Variants in TPGS2 observed in about 807,000 individuals in gnomAD.
The protein encoded by TPGS2 is polyglutamylase subunit 2.
A neutral mutation model predicts 31.1 loss-of-function variants in TPGS2; 26 were observed. The observed-to-expected ratio is 0.84, with a 90% CI of 0.61 to 1.16. TPGS2 has a LOEUF of 1.16. Ranked by LOEUF, TPGS2 falls within the 50% of genes most tolerant of loss-of-function variation. The probability of loss-of-function intolerance (pLI) is 0.00; values close to 1 mark genes in which losing one functional copy is unlikely to be tolerated. For synonymous variants in TPGS2, 130 were observed against 136.6 expected, an observed-to-expected ratio of 0.95 and a Z score of 0.34; for missense variants, 351 against 363.8, an observed-to-expected ratio of 0.96 and a Z score of 0.29.
chr18:36,800,151 C>T, intron 5 of TPGS2, 47 bp downstream of exon 5: 1 of 1,559,918 alleles, frequency 6.4e-7, no homozygotes, highest in East Asian at 2.2e-5. Flanking sequence ...CAAGGTCAGG[C>T]AAGACCCTAG....
At chr18:36,815,741 C>T (rs2045624945) in intron 2 of TPGS2, among the ~76,000 whole-genome samples, 2 of 152,142 alleles carry the variant, frequency 1.3e-5, no homozygotes, top group South Asian at 4.1e-4. Flanking sequence ...ATCTTCCAAG[C>T]ATCCCAGGCC....
At chr18:36,807,037 A>G (rs772491369) in intron 3 of TPGS2, among the ~76,000 whole-genome samples, 17 of 151,688 alleles carry the variant, frequency 1.1e-4, no homozygotes, top group Non-Finnish European at 2.1e-4. Context: ...TAGGGACAGC[A>G]GTGGGGAAAT....
downstream of TPGS2, among the ~76,000 whole-genome samples, chr18:36,780,722 G>T (rs946794961): frequency 2.6e-5 from 4 of 152,196 alleles, no homozygotes; most frequent in Non-Finnish European, 4.4e-5. Context: ...TGTAACAGCG[G>T]TATTTGTGTT....
chr18:36,798,212 A>C, intron 6 of TPGS2: 1 of 1,361,082 alleles, frequency 7.3e-7, no homozygotes, highest in South Asian at 1.8e-5. Context: ...TTTCATTAAA[A>C]ATAAAACTCC....
downstream of TPGS2, chr18:36,780,218 CAACAGTGTGCTCTTTGAAACTCCT>C (rs1338873656): frequency 8.1e-7 from 1 of 1,229,182 alleles, no homozygotes. Context: ...TGAGTAACAT[CAACAGTGTGCTCTTTGAAACTCCT>C]TTTATAATTG....
chr18:36,790,850 T>G (rs576069984), downstream of TPGS2, among the ~76,000 whole-genome samples: 1 of 152,314 alleles, frequency 6.6e-6, no homozygotes, highest in East Asian at 1.9e-4. Context: ...TATTAACTGA[T>G]TTTAGGTTTA....
At chr18:36,800,979 C>T (rs972780407) in intron 4 of TPGS2, among the ~76,000 whole-genome samples, 4 of 152,140 alleles carry the variant, frequency 2.6e-5, no homozygotes, top group Non-Finnish European at 4.4e-5. Flanking sequence ...CACGAGCCAC[C>T]GCGCCCGGTC....
At chr18:36,780,929 A>G (rs2043995331), downstream of TPGS2, among the ~76,000 whole-genome samples, 1 of 152,218 alleles carries the variant, frequency 6.6e-6, no homozygotes, top group African/African-American at 2.4e-5. Context: ...AATTGTTTAC[A>G]CCAGCATCAC....
intron 1 of TPGS2, among the ~76,000 whole-genome samples, chr18:36,820,261 G>C (rs575616923): frequency 6.6e-6 from 1 of 152,316 alleles, no homozygotes; most frequent in East Asian, 1.9e-4. Flanking sequence ...GGGTTTGAAA[G>C]AGGACACATA....
At chr18:36,803,629 C>A (rs2044952100) in intron 4 of TPGS2, among the ~76,000 whole-genome samples, 2 of 152,150 alleles carry the variant, frequency 1.3e-5, no homozygotes, top group African/African-American at 2.4e-5. Flanking sequence ...TTTTCCACTT[C>A]TCTTAATTCC....
Position 36,796,732 on chromosome 18 carries a change from A to C in TPGS2, c.*73T>G. The C allele has an allele frequency of 6.6e-7, 1 of 1,523,360 alleles. No individual in the cohort carries two copies. The highest frequency in any genetic ancestry group is 8.7e-7 in the Non-Finnish European group (1 of 1,144,230). 94.4% of individuals were successfully genotyped at this position (1,523,360 alleles called of 1,614,324 possible). On this transcript the variant is annotated 3_prime_UTR_variant, in exon 7 of 7. Transcript: ENST00000334295. ...GCCTACGGTCCACACGCAAAACTGG[A>C]GGTCACCCCTAGGGCCATCTGTGCA...
intron 4 of TPGS2, among the ~76,000 whole-genome samples, chr18:36,803,946 T>C (rs1177410577): frequency 6.6e-6 from 1 of 152,110 alleles, no homozygotes; most frequent in Admixed American, 6.5e-5. Flanking sequence ...TAGAGTGTGG[T>C]GGCTATTCAC....
intron 2 of TPGS2, among the ~76,000 whole-genome samples, chr18:36,813,401 C>T (rs2045515407): frequency 6.6e-6 from 1 of 152,078 alleles, no homozygotes; most frequent in Non-Finnish European, 1.5e-5. Context: ...GAATGGTATC[C>T]AAGAATGGTG....
chr18:36,793,079 T>C (rs1035567606), downstream of TPGS2, among the ~76,000 whole-genome samples: 2 of 152,206 alleles, frequency 1.3e-5, no homozygotes, highest in African/African-American at 2.4e-5. Flanking sequence ...AGGGCCAGCT[T>C]CATGGGTGGG....
chr18:36,797,313 C>G (rs537346256), intron 6 of TPGS2, among the ~76,000 whole-genome samples: 7 of 152,008 alleles, frequency 4.6e-5, no homozygotes, highest in Non-Finnish European at 1.0e-4. Flanking sequence ...CTGAGCACAC[C>G]TCCTTCTGAT....
chr18:36,787,034 T>A, intron 6 of TPGS2: 1 of 1,234,098 alleles, frequency 8.1e-7, no homozygotes. Context: ...ACAGCCAGTT[T>A]CCAGTGAACA....
chr18:36,813,377 T>G lies in TPGS2; in HGVS notation c.166-5443A>C, dbSNP rs1008758741. Among the ~76,000 whole-genome samples, 3 of 152,146 alleles carry G rather than the reference T, an allele frequency of 2.0e-5. No individual in the cohort carries two copies. In the East Asian group the frequency reaches 5.8e-4, roughly 29 times the overall value. ...TAAGTCTTTAGCCATGAAGAGGTCC[T>G]AGTGATTTTGACAGAATGGTATCCA... On this transcript the variant is annotated intron_variant, in intron 2 of 6. Transcript: ENST00000334295.
downstream of TPGS2, among the ~76,000 whole-genome samples, chr18:36,781,078 C>A (rs1488575712): frequency 1.3e-5 from 2 of 152,176 alleles, no homozygotes; most frequent in Admixed American, 6.5e-5. Context: ...AATCACTGTT[C>A]TGTGGCACAT....
At chr18:36,808,804 C>T (rs1225676185) in intron 2 of TPGS2, among the ~76,000 whole-genome samples, 1 of 151,960 alleles carries the variant, frequency 6.6e-6, no homozygotes, top group Non-Finnish European at 1.5e-5. Flanking sequence ...ACTTAGTATC[C>T]CTTCAGGAGA....
Sources: gnomAD v4.1 joint callset for allele counts (sites outside exome capture counted in the v4.1 genomes callset) on GRCh38, gnomAD v4.1.1 for gene constraint, MANE v1.5 for transcripts, NCBI Gene and HGNC (gene_info 2026-07-23, HGNC 2026-07-21) for gene names.